Variants in PCLO observed in about 807,000 individuals in gnomAD.
The protein encoded by PCLO is piccolo presynaptic cytomatrix protein.
Under a neutral mutation model 427.5 loss-of-function variants are expected in PCLO, and 82 were observed. The observed-to-expected ratio is 0.19, with a 90% CI of 0.16 to 0.23. The LOEUF (loss-of-function observed/expected upper bound fraction) is 0.23. PCLO is among the 10% of genes least tolerant of loss of function. The pLI is 1.00. For missense variants in PCLO, 6,239 were observed against 6,115.9 expected, an observed-to-expected ratio of 1.02 and a Z score of -0.67; for synonymous variants, 2,357 against 2,155.4, an observed-to-expected ratio of 1.09 and a Z score of -2.59.
Position 82,794,459 on chromosome 7 carries a change from CTTTTTTTTTT to C in PCLO, c.15007+7049_15007+7058del, listed in dbSNP as rs778108792. Among the ~76,000 whole-genome samples, 6 of 56,350 alleles carry C rather than the reference CTTTTTTTTTT, an allele frequency of 1.1e-4. 1 individual carries two copies. Among genetic ancestry groups the C allele is most frequent in the African/African-American group, 1.8e-4 (4 of 22,554 alleles). The allele number at this position is 56,350 out of a possible 152,430, so 37.0% of individuals were successfully genotyped here. A position where few individuals can be genotyped will look rare whatever the true frequency, so the allele number is the denominator to read the frequency against. Reference sequence around the variant, plus strand: ...ACATGCTAGTTCATAAATTTTTTTTCTTTTTTTTTTTTTTTTTTTTTTTTTTTTTTGAGAC... The same window carrying C: ...ACATGCTAGTTCATAAATTTTTTTTCTTTTTTTTTTTTTTTTTTTTGAGAC... On this transcript the variant is annotated intron_variant, in intron 22 of 24. Transcript: ENST00000333891.
chr7:83,053,868 A>C (rs1198477450), intron 3 of PCLO, among the ~76,000 whole-genome samples: 3 of 151,994 alleles, frequency 2.0e-5, no homozygotes, highest in Non-Finnish European at 1.5e-5. Flanking sequence ...ACTTTAACAA[A>C]ACTACCAGAC....
intron 3 of PCLO, among the ~76,000 whole-genome samples, chr7:83,090,558 TTCC>T (rs950268568): frequency 6.6e-6 from 1 of 152,274 alleles, no homozygotes; most frequent in African/African-American, 2.4e-5. Flanking sequence ...GAGTCTCAGC[TTCC>T]TCATTATTAA....
chr7:83,123,290 A>G (rs1791335020), intron 3 of PCLO, among the ~76,000 whole-genome samples: 1 of 152,162 alleles, frequency 6.6e-6, no homozygotes, highest in South Asian at 2.1e-4. Context: ...GGACCAATGG[A>G]ACAGAATAAA....
intron 14 of PCLO, 96 bp from the exon 15 acceptor site, chr7:82,838,438 A>G: frequency 1.4e-6 from 1 of 703,098 alleles, no homozygotes. Flanking sequence ...AATTCTTATA[A>G]GAAGCATCAA....
intron 22 of PCLO, among the ~76,000 whole-genome samples, chr7:82,774,987 G>A (rs527959780): frequency 2.6e-5 from 4 of 152,094 alleles, no homozygotes; most frequent in Admixed American, 1.3e-4. Context: ...TAGTTGAAAC[G>A]AAGTAGATAT....
At chr7:83,065,489 C>T (rs1667821048) in intron 3 of PCLO, among the ~76,000 whole-genome samples, 1 of 142,214 alleles carries the variant, frequency 7.0e-6, no homozygotes, top group Non-Finnish European at 1.5e-5. Flanking sequence ...AAAAATGCAG[C>T]TCAAAATGTA....
intron 4 of PCLO, among the ~76,000 whole-genome samples, chr7:82,961,104 C>T (rs961945468): frequency 6.6e-6 from 1 of 152,054 alleles, no homozygotes; most frequent in African/African-American, 2.4e-5. Flanking sequence ...CTTAACATAG[C>T]AGCCAGAATA....
intron 3 of PCLO, among the ~76,000 whole-genome samples, chr7:83,025,901 T>C (rs1788481650): frequency 6.6e-6 from 1 of 151,522 alleles, no homozygotes; most frequent in Non-Finnish European, 1.5e-5. Flanking sequence ...GACAAGCAAA[T>C]GCTGAGAGAT....
At chr7:82,814,684 C>T (rs1791640458) in intron 20 of PCLO, among the ~76,000 whole-genome samples, 1 of 151,568 alleles carries the variant, frequency 6.6e-6, no homozygotes, top group African/African-American at 2.4e-5. Flanking sequence ...GCACATATTC[C>T]ATTAGTCATC....
At chr7:83,110,880 A>G (rs1403171589) in intron 3 of PCLO, among the ~76,000 whole-genome samples, 1 of 152,200 alleles carries the variant, frequency 6.6e-6, no homozygotes, top group Non-Finnish European at 1.5e-5. Context: ...AGTCTGGTTC[A>G]TTTAGCAAAG....
intron 1 of PCLO, among the ~76,000 whole-genome samples, chr7:83,157,819 CAAG>C (rs1224840337): frequency 6.6e-6 from 1 of 151,560 alleles, no homozygotes; most frequent in Non-Finnish European, 1.5e-5. Context: ...TTAAAGGAAA[CAAG>C]AATAAAGAAA....
chr7:82,982,145 C>T lies in PCLO; in HGVS notation c.3301-15658G>A, dbSNP rs1263721660. Among the ~76,000 whole-genome samples, 3 of 152,134 alleles carry T rather than the reference C, an allele frequency of 2.0e-5. No individual in the cohort carries two copies. In the East Asian group the frequency reaches 5.8e-4, roughly 29 times the overall value. On this transcript the variant is annotated intron_variant, in intron 3 of 24. Transcript: ENST00000333891. ...AATTCATTATTCCACATATTTTCAC[C>T]AGATATTGTATTGCGTTATGTTAAT...
At chr7:82,791,346 A>G (rs182904666) in intron 22 of PCLO, among the ~76,000 whole-genome samples, 1 of 152,336 alleles carries the variant, frequency 6.6e-6, no homozygotes, top group African/African-American at 2.4e-5. Flanking sequence ...AACACCAACA[A>G]TAGTTGTCTG....
intron 3 of PCLO, among the ~76,000 whole-genome samples, chr7:82,996,963 CG>C (rs1787633230): frequency 6.6e-6 from 1 of 151,908 alleles, no homozygotes; most frequent in Non-Finnish European, 1.5e-5. Flanking sequence ...AAACTTTCAA[CG>C]GTACTGTTTA....
At chr7:82,991,227 T>C (rs1018718555) in intron 3 of PCLO, among the ~76,000 whole-genome samples, 2 of 152,130 alleles carry the variant, frequency 1.3e-5, no homozygotes, top group Non-Finnish European at 2.9e-5. Flanking sequence ...TATCTATCTA[T>C]CTATCTGTGT....
At chr7:83,143,012 G>GT (rs1270783406) in intron 2 of PCLO, among the ~76,000 whole-genome samples, 2 of 151,960 alleles carry the variant, frequency 1.3e-5, no homozygotes, top group Non-Finnish European at 2.9e-5. Flanking sequence ...TGGATACCAA[G>GT]TAATTTTTAG....
intron 3 of PCLO, among the ~76,000 whole-genome samples, chr7:83,025,254 C>A (rs1398972053): frequency 6.6e-6 from 1 of 151,654 alleles, no homozygotes; most frequent in African/African-American, 2.4e-5. Context: ...CAGAGAAGTG[C>A]TTAAAGGAGC....
chr7:83,134,372 G>T lies in PCLO; in HGVS notation c.3178C>A (p.Pro1060Thr). 1.9e-6 allele frequency: 3 copies of T among 1,613,680 alleles called. No individual in the cohort carries two copies. The highest frequency in any genetic ancestry group is 1.6e-4 in the Middle Eastern group (1 of 6,062). Residue 1060 changes from proline to threonine, a missense_variant, in exon 3 of 25, where the codon CCT (proline) becomes ACT (threonine). Physicochemically the swap from Pro to Thr is conservative, Grantham distance 38 (BLOSUM62 -1). Coordinates refer to ENST00000333891, the MANE Select transcript of PCLO (RefSeq NM_033026.6). ...ATGTTGAGTTCAGTTTTGCAGAGAG[G>T]ACAGGTTGATTCTGGTTTGGGCGAT... ...EKSPKPESTC[P>T]LCKTELNIGS...
chr7:82,786,331 AAAACAAAC>A, intron 22 of PCLO, among the ~76,000 whole-genome samples: 1 of 151,818 alleles, frequency 6.6e-6, no homozygotes, highest in African/African-American at 2.4e-5. Context: ...ATCCTCTAGC[AAAACAAAC>A]AAACAAAACT....
Sources: allele counts gnomAD v4.1 joint callset (sites outside exome capture counted in the v4.1 genomes callset), GRCh38; gene constraint gnomAD v4.1.1; transcripts MANE v1.5; gene names NCBI Gene and HGNC (gene_info 2026-07-23, HGNC 2026-07-21).